Variants in OR51B5 observed in about 807,000 individuals in gnomAD.
The protein encoded by OR51B5 is olfactory receptor 51B5.
For missense variants in OR51B5, 456 were observed against 374.6 expected, an observed-to-expected ratio of 1.22 and a Z score of -1.79; for synonymous variants, 186 against 144.8, an observed-to-expected ratio of 1.28 and a Z score of -2.04.
chr11:5,351,401 C>G, intron 1 of OR51B5: 1 of 768,388 alleles, frequency 1.3e-6, no homozygotes, highest in Non-Finnish European at 2.1e-6. Context: ...AAAGTCAGGA[C>G]TGGTGAACAT....
At chr11:5,428,609 A>C (rs1850485830) in intron 1 of OR51B5, among the ~76,000 whole-genome samples, 2 of 152,194 alleles carry the variant, frequency 1.3e-5, no homozygotes. Context: ...TTGGATGACT[A>C]CTGTTGTAAA....
upstream of OR51B5, among the ~76,000 whole-genome samples, chr11:5,347,392 A>T (rs1849009993): frequency 6.6e-6 from 1 of 152,134 alleles, no homozygotes; most frequent in African/African-American, 2.4e-5. Context: ...CTAGTACCCA[A>T]CGTGAACGCA....
intron 1 of OR51B5, among the ~76,000 whole-genome samples, chr11:5,472,603 G>C (rs1486986007): frequency 6.6e-6 from 1 of 152,210 alleles, no homozygotes; most frequent in Non-Finnish European, 1.5e-5. Context: ...AAAATCTTGA[G>C]TGAAGGACTC....
upstream of OR51B5, chr11:5,346,402 T>C (rs1274886760): frequency 6.6e-6 from 1 of 151,692 alleles, no homozygotes; most frequent in Non-Finnish European, 1.5e-5. Flanking sequence ...GGAAAAAAAA[T>C]ATAGGGAAGG....
chr11:5,491,569 G>A (rs79730794), intron 1 of OR51B5, among the ~76,000 whole-genome samples: 3,238 of 152,272 alleles, frequency 0.021, 127 homozygotes, highest in African/African-American at 0.074. Flanking sequence ...GAAGCTGGGG[G>A]TGATTACATT....
At chr11:5,457,490 G>C (rs1850977506) in intron 1 of OR51B5, among the ~76,000 whole-genome samples, 1 of 152,156 alleles carries the variant, frequency 6.6e-6, no homozygotes, top group Non-Finnish European at 1.5e-5. Context: ...TGGGTATATA[G>C]TAATAGGATT....
intron 1 of OR51B5, among the ~76,000 whole-genome samples, chr11:5,406,764 AAAGAG>A (rs1205231028): frequency 6.6e-6 from 1 of 152,176 alleles, no homozygotes; most frequent in African/African-American, 2.4e-5. Context: ...TCAAGATTCC[AAAGAG>A]AAGGGAAGCC....
intron 1 of OR51B5, among the ~76,000 whole-genome samples, chr11:5,399,287 A>C (rs1849930570): frequency 6.6e-6 from 1 of 152,178 alleles, no homozygotes; most frequent in Non-Finnish European, 1.5e-5. Flanking sequence ...ATAACAAGGA[A>C]AGACAATTAT....
chr11:5,425,755 T>G lies in OR51B5; in HGVS notation n.85-78845A>C, dbSNP rs933060280. Among the ~76,000 whole-genome samples, 33 of 152,326 alleles carry G rather than the reference T, an allele frequency of 2.2e-4. No homozygotes were observed. In the Middle Eastern group the frequency reaches 0.01, roughly 47 times the overall value. The stretch of plus-strand genomic sequence containing the variant: ...AATATTCTTTGTATCTTATTGACCC[T>G]CTGTAAATTATTTTAAGTTAGCTAT... On this transcript the variant is annotated intron_variant and non_coding_transcript_variant, in intron 1 of 4. Coordinates refer to the OR51B5 transcript ENST00000415970.
At chr11:5,473,257 C>T (rs1475873357) in intron 1 of OR51B5, among the ~76,000 whole-genome samples, 5 of 152,132 alleles carry the variant, frequency 3.3e-5, no homozygotes. Flanking sequence ...TGCCTGTTGA[C>T]TCTGGAGTTT....
At chr11:5,349,824 T>A (rs190046244) in intron 1 of OR51B5, among the ~76,000 whole-genome samples, 85 of 152,244 alleles carry the variant, frequency 5.6e-4, no homozygotes, top group African/African-American at 1.9e-3. Context: ...TGCCCCAGGC[T>A]CAACGTTACT....
intron 1 of OR51B5, among the ~76,000 whole-genome samples, chr11:5,488,239 G>C (rs1488643327): frequency 6.6e-6 from 1 of 152,128 alleles, no homozygotes; most frequent in African/African-American, 2.4e-5. Flanking sequence ...ACCAAGACCA[G>C]TTTAGAAAGG....
chr11:5,383,622 A>T (rs2736539), intron 1 of OR51B5, among the ~76,000 whole-genome samples: 2 of 152,006 alleles, frequency 1.3e-5, no homozygotes, highest in East Asian at 1.9e-4. Flanking sequence ...TTGTTGCAGC[A>T]GATGTCTGTG....
upstream of OR51B5, among the ~76,000 whole-genome samples, chr11:5,345,058 A>G (rs2133680725): frequency 6.6e-6 from 1 of 152,270 alleles, no homozygotes; most frequent in Middle Eastern, 3.4e-3. Context: ...CAGGAGAGGG[A>G]CAATAGATGA....
rs1289986033 is a variant in OR51B5, at chr11:5,389,407, C to T, written n.85-42497G>A. ...AGCTCAATCCCCGAGGAATGTCAGT[C>T]CAATATTCGCTCAGTCCTCAATTCA... is the stretch of plus-strand genomic sequence containing the variant. On this transcript the variant is annotated intron_variant and non_coding_transcript_variant, in intron 1 of 4. Transcript: ENST00000415970. The T allele has an allele frequency of 3.1e-6, 5 of 1,612,164 alleles. No homozygotes were observed. In the Admixed American group the frequency reaches 8.3e-5, roughly 27 times the overall value.
At chr11:5,468,388 T>C (rs953785613) in intron 1 of OR51B5, 1 of 285,580 alleles carries the variant, frequency 3.5e-6, no homozygotes, top group African/African-American at 2.2e-5. Flanking sequence ...GGTGTACGTC[T>C]GGAGGGAGAT....
chr11:5,430,802 T>A, intron 1 of OR51B5: 1 of 457,364 alleles, frequency 2.2e-6, no homozygotes, highest in Non-Finnish European at 4.4e-6. Context: ...GAAGCATGTT[T>A]GGCAGCACGA....
At chr11:5,501,107 T>C (rs1846286645) in intron 1 of OR51B5, among the ~76,000 whole-genome samples, 2 of 148,110 alleles carry the variant, frequency 1.4e-5, no homozygotes, top group South Asian at 4.2e-4. Context: ...GTCTAGAACA[T>C]AGGTGTATGG....
intron 1 of OR51B5, among the ~76,000 whole-genome samples, chr11:5,401,155 C>G (rs1849962127): frequency 6.6e-6 from 1 of 152,186 alleles, no homozygotes; most frequent in Non-Finnish European, 1.5e-5. Flanking sequence ...TATTGCCTTC[C>G]TCTCCTCCCC....
Sources: allele counts gnomAD v4.1 joint callset (sites outside exome capture counted in the v4.1 genomes callset), GRCh38; gene constraint gnomAD v4.1.1; transcripts MANE v1.5; gene names NCBI Gene and HGNC (gene_info 2026-07-23, HGNC 2026-07-21).